Variants in NEMP2 observed in about 807,000 individuals in gnomAD.
NEMP2 encodes the protein UPF0571 transmembrane protein.
A neutral mutation model predicts 54.2 loss-of-function variants in NEMP2; 53 were observed. The observed-to-expected ratio is 0.98, with a 90% CI of 0.78 to 1.23. The LOEUF is 1.23. Among genes scored for constraint, NEMP2 ranks in the 50% most tolerant of loss-of-function variants. The pLI is 0.00. For missense variants in NEMP2, 455 were observed against 511.3 expected (o/e 0.89, Z 1.06); for synonymous variants, 197 against 190.3 (o/e 1.04, Z -0.29).
rs1691306532 is a variant in NEMP2, at chr2:190,534,702, T to A, written c.-47A>T. ...GCGACCCGAGCCCTAGGGGACCGGC[T>A]CCGCTGCGAGGAGCGGAAGTGGCGC... On this transcript the variant is annotated 5_prime_UTR_variant, in exon 1 of 9. Transcript: ENST00000409150. The A allele has an allele frequency of 3.3e-6, 4 of 1,229,532 alleles. No homozygotes were observed. Among genetic ancestry groups the A allele is most frequent in the South Asian group, 3.4e-5 (1 of 29,504 alleles). 76.2% of individuals were successfully genotyped at this position (1,229,532 alleles called of 1,614,324 possible). A position where few individuals can be genotyped will look rare whatever the true frequency, so the allele number is the denominator to read the frequency against.
upstream of NEMP2, among the ~76,000 whole-genome samples, chr2:190,538,983 A>G (rs1161218598): frequency 3.3e-5 from 5 of 151,854 alleles, no homozygotes; most frequent in African/African-American, 1.2e-4. The surrounding 1 kb of genome is among the most constrained non-coding windows in gnomAD (Gnocchi z 4.1). Context: ...CTGTTTGCCT[A>G]TTTTTTCTTT....
the NEMP2 span, chr2:190,497,669 A>C: frequency 6.2e-7 from 1 of 1,614,184 alleles, no homozygotes. The surrounding 1 kb of genome is among the most constrained non-coding windows in gnomAD (Gnocchi z 5.2). Context: ...AATTAAAGAG[A>C]TGATGCAACT....
chr2:190,465,957 CA>C, the NEMP2 span, among the ~76,000 whole-genome samples: 1 of 152,048 alleles, frequency 6.6e-6, no homozygotes, highest in Non-Finnish European at 1.5e-5. This position sits in a 1 kb window ranked among gnomAD's most constrained non-coding sequence, Gnocchi z 4.6. Context: ...CATGCCATTG[CA>C]AAAAACAAAC....
the NEMP2 span, among the ~76,000 whole-genome samples, chr2:190,433,937 TC>T: frequency 6.6e-6 from 1 of 152,148 alleles, no homozygotes; most frequent in African/African-American, 2.4e-5. This position sits in a 1 kb window ranked among gnomAD's most constrained non-coding sequence, Gnocchi z 4.5. Flanking sequence ...ACGCCTGTAA[TC>T]CCAGCACTTT....
chr2:190,645,315 A>T, the NEMP2 span, among the ~76,000 whole-genome samples: 1 of 152,208 alleles, frequency 6.6e-6, no homozygotes, highest in Non-Finnish European at 1.5e-5. Flanking sequence ...AAAAATTCAG[A>T]ATCTGGTGTA....
At chr2:190,489,676 C>G in the NEMP2 span, 4 of 1,216,556 alleles carry the variant, frequency 3.3e-6, no homozygotes, top group Non-Finnish European at 4.6e-6. The surrounding 1 kb of genome is among the most constrained non-coding windows in gnomAD (Gnocchi z 6.6). Context: ...GCTGTGCTTC[C>G]TTTGCTTTGA....
the NEMP2 span, among the ~76,000 whole-genome samples, chr2:190,574,298 CATTTTTCTTGGCTTG>C: frequency 6.6e-6 from 1 of 151,994 alleles, no homozygotes; most frequent in East Asian, 1.9e-4. Flanking sequence ...GCACCTTTTT[CATTTTTCTTGGCTTG>C]AATATGCCTG....
chr2:190,464,914 TG>T, the NEMP2 span: 1 of 633,728 alleles, frequency 1.6e-6, no homozygotes, highest in Non-Finnish European at 1.8e-6. Context: ...TTGGTGGGGG[TG>T]GGGGAGGGTG....
chr2:190,466,578 G>C, the NEMP2 span, among the ~76,000 whole-genome samples: 23,739 of 152,148 alleles, frequency 0.16, 1,988 homozygotes, highest in East Asian at 0.31. Flanking sequence ...AGATGATGAT[G>C]ATGATGATGA....
the NEMP2 span, among the ~76,000 whole-genome samples, chr2:190,645,861 C>T: frequency 6.6e-6 from 1 of 152,190 alleles, no homozygotes; most frequent in African/African-American, 2.4e-5. Flanking sequence ...AAAAGACAAT[C>T]AAAACTATAA....
chr2:190,426,488 A>G, the NEMP2 span, among the ~76,000 whole-genome samples: 1 of 152,178 alleles, frequency 6.6e-6, no homozygotes, highest in African/African-American at 2.4e-5. The surrounding 1 kb of genome is among the most constrained non-coding windows in gnomAD (Gnocchi z 4.7). Flanking sequence ...CTTTTTAAAA[A>G]TATTTTAAAT....
chr2:190,554,072 T>A, the NEMP2 span, among the ~76,000 whole-genome samples: 1 of 152,080 alleles, frequency 6.6e-6, no homozygotes, highest in Non-Finnish European at 1.5e-5. The surrounding 1 kb of genome is among the most constrained non-coding windows in gnomAD (Gnocchi z 5.7). Flanking sequence ...TCAGGGGAAC[T>A]CCCTCTCCTA....
At chr2:190,551,328 A>G in the NEMP2 span, among the ~76,000 whole-genome samples, 4 of 149,974 alleles carry the variant, frequency 2.7e-5, no homozygotes, top group Admixed American at 1.3e-4. Context: ...ATATTTGTCA[A>G]TTTCTCTCTA....
the NEMP2 span, among the ~76,000 whole-genome samples, chr2:190,578,758 G>A: frequency 2.0e-5 from 3 of 151,750 alleles, no homozygotes; most frequent in South Asian, 6.2e-4. This position sits in a 1 kb window ranked among gnomAD's most constrained non-coding sequence, Gnocchi z 4.4. Context: ...ACAGCAGGGT[G>A]TGGAGTGCAG....
chr2:190,588,861 G>A, the NEMP2 span, among the ~76,000 whole-genome samples: 13 of 152,216 alleles, frequency 8.5e-5, 2 homozygotes, highest in African/African-American at 2.9e-4. The surrounding 1 kb of genome is among the most constrained non-coding windows in gnomAD (Gnocchi z 5.0). Flanking sequence ...CGGGCCTGTT[G>A]ACCAAGAAAA....
At position 190,510,415 on chromosome 2, in the gene NEMP2, C is replaced by T. The variant is rs772426003; in HGVS notation, c.1076G>A (p.Arg359Gln). 4.8e-5 allele frequency: 75 copies of T among 1,551,596 alleles called. 1 individual carries two copies. The South Asian group carries it at 5.1e-4, about 11-fold the overall frequency. The stretch of plus-strand genomic sequence containing the variant: ...CAGCCATGAGGGAAAGTCGGGTTTT[C>T]GGCAGGCCCGGCGTAGCTCCTCCAG... ...SALEELRRACRKPDFPSWLVV... is the reference protein window; with the variant it reads ...SALEELRRACQKPDFPSWLVV... The change falls in exon 8 of 9, where the codon CGA (arginine) becomes CAA (glutamine). Residue 359 changes from arginine (R) to glutamine (Q), a missense_variant. Physicochemically the swap from Arg to Gln is conservative, Grantham distance 43. Around this residue, in one of 3 missense-constraint regions of NEMP2, gnomAD observed 294 missense variants for 333.6 expected, o/e 0.88. Coordinates refer to ENST00000409150, the MANE Select transcript of NEMP2 (RefSeq NM_001142645.2). The surrounding 1 kb of genome is among the most constrained non-coding windows in gnomAD (Gnocchi z 5.7).
At chr2:190,494,503 G>A in the NEMP2 span, among the ~76,000 whole-genome samples, 3 of 152,116 alleles carry the variant, frequency 2.0e-5, no homozygotes, top group Admixed American at 1.3e-4. The surrounding 1 kb of genome is among the most constrained non-coding windows in gnomAD (Gnocchi z 5.7). Context: ...ATTCTATGAA[G>A]CCAGTATCAC....
At chr2:190,534,386 A>T in intron 1 of NEMP2, 173 bp downstream of exon 1, 1 of 1,209,848 alleles carries the variant, frequency 8.3e-7, no homozygotes, top group Non-Finnish European at 1.0e-6. Flanking sequence ...GAAGCCCAGT[A>T]AGACAGGAAG....
chr2:190,450,488 C>CTTTTTTTTTTTTTT, the NEMP2 span, among the ~76,000 whole-genome samples: 3 of 97,254 alleles, frequency 3.1e-5, no homozygotes, highest in African/African-American at 3.9e-5. Flanking sequence ...TCTCTTTTTC[C>CTTTTTTTTTTTTTT]TTTTTTTTTT....
Sources: allele counts gnomAD v4.1 joint callset (sites outside exome capture counted in the v4.1 genomes callset), GRCh38; gene constraint gnomAD v4.1.1; regional missense constraint gnomAD v4.1.1; non-coding constraint Gnocchi (gnomAD v3.1); transcripts MANE v1.5; gene names NCBI Gene and HGNC (gene_info 2026-07-23, HGNC 2026-07-21).